The following TCF4 variants were observed in gnomAD, a reference collection of about 807,000 sequenced individuals.
TCF4 encodes transcription factor 4.
TCF4 carries 3 observed loss-of-function variants against 82.1 expected under a neutral mutation model. That is an observed-to-expected ratio of 0.04 (90% CI 0.02 to 0.09). The LOEUF (loss-of-function observed/expected upper bound fraction) is 0.09, where lower values mean the gene tolerates loss of function less well. Among genes scored for constraint, TCF4 ranks in the 10% least tolerant of loss-of-function variants. TCF4 has a pLI of 1.00. For missense variants in TCF4, 518 were observed against 852.7 expected (o/e 0.61, Z 4.89); for synonymous variants, 276 against 309.6 (o/e 0.89, Z 1.14).
intron 6 of TCF4, among the ~76,000 whole-genome samples, chr18:55,382,012 T>A (rs1204547049): frequency 6.6e-6 from 1 of 151,950 alleles, no homozygotes. Context: ...AATGGCAAAG[T>A]CCCTTGACCT....
At chr18:55,459,940 C>T (rs1325753013) in intron 5 of TCF4, among the ~76,000 whole-genome samples, 1 of 152,062 alleles carries the variant, frequency 6.6e-6, no homozygotes, top group African/African-American at 2.4e-5. Context: ...TATTTATCTG[C>T]TTTGACTATT....
rs1390930794 is a variant in TCF4 at position 55,303,921 on chromosome 18, C to T, written c.550-24265G>A. 2.6e-5 allele frequency among the ~76,000 whole-genome samples: 4 copies of T among 152,112 alleles called. No individual in the cohort carries two copies. The East Asian group carries it at 5.8e-4, about 22-fold the overall frequency. On this transcript the variant is annotated intron_variant, in intron 8 of 19. Coordinates refer to ENST00000354452, the MANE Select transcript of TCF4 (RefSeq NM_001083962.2). ...GGTTTAAAATAAAAGAAAACCTCTA[C>T]CACAACCTTCTCACCTCTTCACTTC...
intron 3 of TCF4, among the ~76,000 whole-genome samples, chr18:55,564,439 G>A (rs1339443064): frequency 1.3e-5 from 2 of 152,180 alleles, no homozygotes; most frequent in Non-Finnish European, 2.9e-5. Flanking sequence ...AAGTACTTAG[G>A]AGGCTACTAG....
chr18:55,472,241 A>G (rs1311660050), intron 3 of TCF4, among the ~76,000 whole-genome samples: 1 of 152,244 alleles, frequency 6.6e-6, no homozygotes, highest in Non-Finnish European at 1.5e-5. Context: ...GGTAACTGTT[A>G]TGTTACAAAT....
chr18:55,341,529 C>T (rs2079959737), intron 8 of TCF4, among the ~76,000 whole-genome samples: 1 of 152,150 alleles, frequency 6.6e-6, no homozygotes. Flanking sequence ...AGGTTTGTGA[C>T]CTAACCAAGG....
At chr18:55,302,722 G>C in intron 8 of TCF4, 1 of 1,058,688 alleles carries the variant, frequency 9.4e-7, no homozygotes, top group Non-Finnish European at 1.3e-6. Context: ...GGGGAGGTGG[G>C]ACAAGCCCAG....
At chr18:55,251,880 T>G (rs963130685) in intron 15 of TCF4, among the ~76,000 whole-genome samples, 6 of 151,612 alleles carry the variant, frequency 4.0e-5, no homozygotes, top group African/African-American at 7.3e-5. Context: ...TGGAAAACAT[T>G]ACCAGTATCC....
chr18:55,532,757 C>T (rs1054456037), intron 3 of TCF4, among the ~76,000 whole-genome samples: 12 of 152,060 alleles, frequency 7.9e-5, no homozygotes, highest in African/African-American at 2.7e-4. Context: ...CTTTACTCTT[C>T]GAAAGAGTTC....
At chr18:55,299,990 G>T (rs2067663405) in intron 8 of TCF4, among the ~76,000 whole-genome samples, 1 of 152,038 alleles carries the variant, frequency 6.6e-6, no homozygotes, top group East Asian at 1.9e-4. Flanking sequence ...TGTACAGAAA[G>T]ATGGAACCCC....
chr18:55,302,354 C>T, intron 8 of TCF4: 2 of 1,444,042 alleles, frequency 1.4e-6, no homozygotes, highest in Non-Finnish European at 1.9e-6. Flanking sequence ...CACAGTGCAG[C>T]CCAAGAGGTG....
At chr18:55,475,051 C>T (rs930581444) in intron 3 of TCF4, among the ~76,000 whole-genome samples, 1 of 152,112 alleles carries the variant, frequency 6.6e-6, no homozygotes, top group Non-Finnish European at 1.5e-5. Context: ...TTCCTAAGAA[C>T]AAAAACAGTA....
intron 11 of TCF4, chr18:55,265,521 A>AAC (rs2058961252): frequency 1.3e-5 from 2 of 152,322 alleles, no homozygotes; most frequent in African/African-American, 4.8e-5. Flanking sequence ...GAGGAGATTT[A>AAC]AATCAAACTA....
At chr18:55,464,283 T>C (rs2095954137) in intron 3 of TCF4, 146 bp from the exon 4 acceptor site, 1 of 732,624 alleles carries the variant, frequency 1.4e-6, no homozygotes, top group Non-Finnish European at 2.4e-6. Context: ...TAGTGGCTTC[T>C]GACCCATCTA....
intron 6 of TCF4, among the ~76,000 whole-genome samples, chr18:55,364,591 G>T (rs2086340178): frequency 6.6e-6 from 1 of 152,188 alleles, no homozygotes; most frequent in Non-Finnish European, 1.5e-5. Flanking sequence ...GCAGAATGAA[G>T]ATTATCTTCA....
intron 6 of TCF4, among the ~76,000 whole-genome samples, chr18:55,395,933 T>C (rs185366716): frequency 0.018 from 2,788 of 152,026 alleles, 100 homozygotes; most frequent in African/African-American, 0.063. Flanking sequence ...AATCTTTTTT[T>C]CCCCCCCTTA....
chr18:55,513,233 A>G (rs1002220993), intron 3 of TCF4, among the ~76,000 whole-genome samples: 1 of 152,138 alleles, frequency 6.6e-6, no homozygotes, highest in Admixed American at 6.5e-5. Context: ...CTGGACAGTG[A>G]TTTCTGCATA....
chr18:55,305,904 C>T (rs1048806625), intron 8 of TCF4, among the ~76,000 whole-genome samples: 1 of 152,090 alleles, frequency 6.6e-6, no homozygotes, highest in African/African-American at 2.4e-5. Context: ...GTGTCACTCC[C>T]ACTCCAAAGA....
chr18:55,458,778 T>C (rs984268240), intron 5 of TCF4, among the ~76,000 whole-genome samples: 1 of 152,200 alleles, frequency 6.6e-6, no homozygotes, highest in African/African-American at 2.4e-5. Context: ...AAAATTATTC[T>C]TCTCTAAACT....
At chr18:55,319,225 G>A (rs79050903) in intron 8 of TCF4, among the ~76,000 whole-genome samples, 119 of 152,252 alleles carry the variant, frequency 7.8e-4, no homozygotes, top group East Asian at 2.5e-3. Context: ...AAGTCTCTTC[G>A]ATAGGCATTT....
Sources: gnomAD v4.1 joint callset for allele counts (sites outside exome capture counted in the v4.1 genomes callset) on GRCh38, gnomAD v4.1.1 for gene constraint, MANE v1.5 for transcripts, NCBI Gene and HGNC (gene_info 2026-07-23, HGNC 2026-07-21) for gene names.